ROBO2: variants seen among roughly 807,000 people sequenced by gnomAD.
ROBO2 encodes the protein roundabout guidance receptor 2.
A neutral mutation model predicts 160.8 loss-of-function variants in ROBO2; 53 were observed. The observed-to-expected ratio is 0.33, with a 90% CI of 0.26 to 0.41. ROBO2 has a LOEUF of 0.41. ROBO2 is among the 10% of genes least tolerant of loss of function. The probability of loss-of-function intolerance (pLI) is 1.00; values close to 1 mark genes in which losing one functional copy is unlikely to be tolerated. For missense variants in ROBO2, 1,577 were observed against 1,722.4 expected (o/e 0.92, Z 1.49); for synonymous variants, 664 against 611.7 (o/e 1.09, Z -1.26).
intron 2 of ROBO2, among the ~76,000 whole-genome samples, chr3:76,989,927 AT>A (rs1368707051): frequency 6.6e-6 from 1 of 152,104 alleles, no homozygotes; most frequent in Non-Finnish European, 1.5e-5. Flanking sequence ...AAGGTTGATT[AT>A]TCACTTTTGT....
intron 2 of ROBO2, among the ~76,000 whole-genome samples, chr3:76,476,692 A>G (rs2078948195): frequency 6.6e-6 from 1 of 152,170 alleles, no homozygotes; most frequent in African/African-American, 2.4e-5. Context: ...TTAAGGGTCT[A>G]TTTATAGCTG....
chr3:76,422,291 C>T (rs1263503821), intron 2 of ROBO2, among the ~76,000 whole-genome samples: 1 of 152,166 alleles, frequency 6.6e-6, no homozygotes, highest in East Asian at 1.9e-4. Flanking sequence ...ATGATACTTT[C>T]TTATCAAGAG....
intron 2 of ROBO2, among the ~76,000 whole-genome samples, chr3:76,567,797 G>GTGTGTGTGTGTATA (rs1260549103): frequency 1.4e-5 from 1 of 72,444 alleles, no homozygotes; most frequent in African/African-American, 5.3e-5. Context: ...GTGTGTGTGT[G>GTGTGTGTGTGTATA]TATATATATA....
chr3:77,179,320 A>C (rs187439626), intron 2 of ROBO2, among the ~76,000 whole-genome samples: 1 of 152,184 alleles, frequency 6.6e-6, no homozygotes, highest in Admixed American at 6.6e-5. Context: ...CTGCAAAAAA[A>C]AAAAAGTTAA....
At chr3:77,581,314 T>C (rs897051411) in intron 16 of ROBO2, among the ~76,000 whole-genome samples, 1 of 152,254 alleles carries the variant, frequency 6.6e-6, no homozygotes. Flanking sequence ...ACAAAAGTAT[T>C]ACATTTTAAT....
chr3:76,400,361 G>A (rs1036181092), intron 2 of ROBO2, among the ~76,000 whole-genome samples: 37 of 151,502 alleles, frequency 2.4e-4, no homozygotes, highest in African/African-American at 8.7e-4. Context: ...TCACCCAAAA[G>A]GGGATAGCAA....
intron 2 of ROBO2, among the ~76,000 whole-genome samples, chr3:76,372,916 G>A (rs886609451): frequency 6.6e-6 from 1 of 151,928 alleles, no homozygotes; most frequent in African/African-American, 2.4e-5. Context: ...GGGGAATATG[G>A]AGATCTTCCC....
intron 1 of ROBO2, among the ~76,000 whole-genome samples, chr3:77,052,497 G>A (rs1166421843): frequency 6.6e-6 from 1 of 152,162 alleles, no homozygotes; most frequent in Non-Finnish European, 1.5e-5. Context: ...GGGGGGAAAA[G>A]GCAGACAAGA....
chr3:77,113,639 AAG>A (rs1332866753), intron 2 of ROBO2, among the ~76,000 whole-genome samples: 1 of 152,204 alleles, frequency 6.6e-6, no homozygotes, highest in Admixed American at 6.5e-5. Flanking sequence ...TCTGTGGAGA[AAG>A]AGAGACAAGG....
intron 2 of ROBO2, among the ~76,000 whole-genome samples, chr3:77,223,082 TCACC>T (rs1197137772): frequency 6.6e-6 from 1 of 152,192 alleles, no homozygotes; most frequent in Non-Finnish European, 1.5e-5. Context: ...TCCGTTTTAT[TCACC>T]CTGAAAGCTC....
At chr3:77,599,683 A>G (rs990030975) in intron 19 of ROBO2, among the ~76,000 whole-genome samples, 12 of 152,166 alleles carry the variant, frequency 7.9e-5, no homozygotes, top group Non-Finnish European at 2.9e-5. Flanking sequence ...AATTTGGCAA[A>G]AAAAAGAATG....
At chr3:77,043,747 A>G (rs557479806) in intron 1 of ROBO2, among the ~76,000 whole-genome samples, 1 of 152,290 alleles carries the variant, frequency 6.6e-6, no homozygotes, top group South Asian at 2.1e-4. Context: ...CTTTTAAATT[A>G]CATCTATATG....
intron 2 of ROBO2, among the ~76,000 whole-genome samples, chr3:77,022,164 G>T (rs1397525626): frequency 6.6e-6 from 1 of 152,190 alleles, no homozygotes; most frequent in Non-Finnish European, 1.5e-5. Flanking sequence ...GAGGTCAGGG[G>T]TTTGAGACCC....
Position 77,539,204 on chromosome 3 carries a change from G to A in ROBO2, c.935-7134G>A, listed in dbSNP as rs553004292. Among the ~76,000 whole-genome samples the A allele has an allele frequency of 3.9e-5, 6 of 152,236 alleles. No homozygotes were observed. The East Asian group carries it at 1.2e-3, about 29-fold the overall frequency. ...CAAAGTGGTAGAATTACAGGAGTGAGCCACCGCCCCCCGGCCTTTTGCAGG... is the reference window on the plus strand; with the variant it reads ...CAAAGTGGTAGAATTACAGGAGTGAACCACCGCCCCCCGGCCTTTTGCAGG... On this transcript the variant is annotated intron_variant, in intron 6 of 25. Transcript: ENST00000461745.
chr3:75,922,879 T>A (rs1242153654), intron 1 of ROBO2, among the ~76,000 whole-genome samples: 1 of 152,142 alleles, frequency 6.6e-6, no homozygotes, highest in Non-Finnish European at 1.5e-5. Flanking sequence ...ATATAGTAGA[T>A]GGTAGGAAAA....
intron 2 of ROBO2, among the ~76,000 whole-genome samples, chr3:77,193,372 C>T (rs2082040204): frequency 6.6e-6 from 1 of 151,870 alleles, no homozygotes; most frequent in African/African-American, 2.4e-5. Flanking sequence ...CTTTGAACAC[C>T]TGGGCTCAAG....
chr3:77,219,653 T>C (rs908574130), intron 2 of ROBO2, among the ~76,000 whole-genome samples: 2 of 151,320 alleles, frequency 1.3e-5, no homozygotes, highest in African/African-American at 4.9e-5. Flanking sequence ...ATTTAGCTCC[T>C]GTTAGCATCA....
intron 2 of ROBO2, among the ~76,000 whole-genome samples, chr3:76,427,287 A>G (rs1176064697): frequency 2.0e-5 from 3 of 152,090 alleles, no homozygotes; most frequent in East Asian, 1.9e-4. Context: ...CTCGCTTGCA[A>G]CTGATAGTTC....
At chr3:77,037,730 T>C (rs1452962967), upstream of ROBO2, among the ~76,000 whole-genome samples, 1 of 152,170 alleles carries the variant, frequency 6.6e-6, no homozygotes. Flanking sequence ...GGTGAGTCTA[T>C]CAAGTATAAA....
Sources: allele counts gnomAD v4.1 joint callset (sites outside exome capture counted in the v4.1 genomes callset), GRCh38; gene constraint gnomAD v4.1.1; transcripts MANE v1.5; gene names NCBI Gene and HGNC (gene_info 2026-07-23, HGNC 2026-07-21).